CDH12: variants seen among roughly 807,000 people sequenced by gnomAD.
CDH12 encodes the protein cadherin 12, also known as cadherin-12.
In CDH12, 41 loss-of-function variants were observed where a neutral mutation model predicts 74.1. That is an observed-to-expected ratio of 0.55 (90% CI 0.43 to 0.72). The LOEUF is 0.72. Among genes scored for constraint, CDH12 ranks in the 30% least tolerant of loss-of-function variants. CDH12 has a pLI of 0.00. For missense variants in CDH12, 945 were observed against 977.2 expected, an observed-to-expected ratio of 0.97 and a Z score of 0.44; for synonymous variants, 399 against 355.0, an observed-to-expected ratio of 1.12 and a Z score of -1.39.
chr5:22,595,024 T>G (rs1374045367), intron 1 of CDH12, among the ~76,000 whole-genome samples: 6 of 152,172 alleles, frequency 3.9e-5, no homozygotes, highest in African/African-American at 1.2e-4. Flanking sequence ...CACAAACAGC[T>G]TTGTTCTCCC....
At chr5:21,833,010 A>C (rs1320542174) in intron 8 of CDH12, among the ~76,000 whole-genome samples, 1 of 52,500 alleles carries the variant, frequency 1.9e-5, no homozygotes, top group Non-Finnish European at 2.9e-5. Context: ...TATTATATAT[A>C]ATATATGATA....
At chr5:22,690,292 C>A (rs921529524) in intron 1 of CDH12, among the ~76,000 whole-genome samples, 6 of 152,162 alleles carry the variant, frequency 3.9e-5, no homozygotes, top group African/African-American at 1.4e-4. Context: ...AAAGATAAAA[C>A]AGGGTATGGG....
At chr5:22,662,946 G>T (rs2126900527) in intron 1 of CDH12, among the ~76,000 whole-genome samples, 1 of 152,216 alleles carries the variant, frequency 6.6e-6, no homozygotes, top group East Asian at 1.9e-4. Context: ...CATTTTCTCT[G>T]CTCTAAATTT....
chr5:22,246,436 A>G (rs1387096121), intron 3 of CDH12, among the ~76,000 whole-genome samples: 1 of 152,164 alleles, frequency 6.6e-6, no homozygotes, highest in Non-Finnish European at 1.5e-5. Flanking sequence ...TATTTCTAAC[A>G]TGTAGGCTTT....
intron 1 of CDH12, among the ~76,000 whole-genome samples, chr5:22,807,072 C>T (rs1748856358): frequency 1.3e-5 from 2 of 152,032 alleles, no homozygotes; most frequent in South Asian, 2.1e-4. Flanking sequence ...AATGGTATTG[C>T]CTAGATTTTC....
chr5:22,314,080 C>T (rs1270070049), intron 3 of CDH12, among the ~76,000 whole-genome samples: 4 of 152,106 alleles, frequency 2.6e-5, no homozygotes, highest in Non-Finnish European at 4.4e-5. Context: ...TAAGAGATGA[C>T]GGTGGCTTTT....
At chr5:21,850,970 CAAAAGTGTA>C (rs1261812423) in intron 7 of CDH12, among the ~76,000 whole-genome samples, 1 of 150,586 alleles carries the variant, frequency 6.6e-6, no homozygotes, top group African/African-American at 2.4e-5. Context: ...AATGGTTTGA[CAAAAGTGTA>C]AACATACTTA....
At chr5:22,786,270 C>A (rs1317232331) in intron 1 of CDH12, among the ~76,000 whole-genome samples, 1 of 152,108 alleles carries the variant, frequency 6.6e-6, no homozygotes, top group African/African-American at 2.4e-5. Context: ...GTGATGAGAA[C>A]ACATGGGCAC....
At chr5:22,813,755 A>T (rs977789169) in intron 1 of CDH12, among the ~76,000 whole-genome samples, 3 of 152,152 alleles carry the variant, frequency 2.0e-5, no homozygotes, top group Non-Finnish European at 4.4e-5. Flanking sequence ...GCCCTAAACC[A>T]AAGAGCCCAC....
chr5:21,934,948 G>A (rs1382059243), intron 6 of CDH12, among the ~76,000 whole-genome samples: 1 of 152,060 alleles, frequency 6.6e-6, no homozygotes, highest in Non-Finnish European at 1.5e-5. Context: ...CATCACGCCC[G>A]GCTAATTTTT....
At chr5:22,698,719 ATATATATATATATATAGTGT>A (rs1453229989) in intron 1 of CDH12, among the ~76,000 whole-genome samples, 296 of 23,226 alleles carry the variant, frequency 0.013, 23 homozygotes, top group East Asian at 0.02. Flanking sequence ...ATATATATAT[ATATATATATATATATAGTGT>A]GTGTGTGTGT....
At chr5:22,274,899 G>C (rs893008302) in intron 3 of CDH12, among the ~76,000 whole-genome samples, 2 of 151,992 alleles carry the variant, frequency 1.3e-5, no homozygotes, top group Non-Finnish European at 2.9e-5. Context: ...TAAATTTCGG[G>C]TGTCTTTTGA....
At chr5:22,635,883 A>C (rs1738817212) in intron 1 of CDH12, among the ~76,000 whole-genome samples, 1 of 152,130 alleles carries the variant, frequency 6.6e-6, no homozygotes, top group Non-Finnish European at 1.5e-5. Flanking sequence ...CCACTGCTCC[A>C]GCCTGGGCCA....
At position 22,563,315 on chromosome 5, in the gene CDH12, T is replaced by C. The variant is rs529292267; in HGVS notation, c.-522-57951A>G. On this transcript the variant is annotated intron_variant, in intron 1 of 14. Coordinates refer to ENST00000382254, the MANE Select transcript of CDH12 (RefSeq NM_004061.5). ...AATCTCATTGTCTTTTTGATTTGCA[T>C]TTCTCTGATGATCAGTGATGTTGAG... Among the ~76,000 whole-genome samples the C allele has an allele frequency of 2.6e-5, 4 of 152,252 alleles. No homozygotes were observed. In the South Asian group the frequency reaches 8.3e-4, roughly 32 times the overall value.
intron 2 of CDH12, among the ~76,000 whole-genome samples, chr5:22,477,757 C>A (rs944080692): frequency 2.6e-5 from 4 of 152,102 alleles, no homozygotes; most frequent in African/African-American, 9.7e-5. Flanking sequence ...AAGCGGCCAA[C>A]AACAAAAACC....
intron 3 of CDH12, among the ~76,000 whole-genome samples, chr5:22,369,484 T>C (rs756422292): frequency 1.9e-4 from 29 of 152,128 alleles, no homozygotes; most frequent in Non-Finnish European, 2.1e-4. Flanking sequence ...ACAACAAGGT[T>C]CTTAAAAAAA....
At position 22,413,729 on chromosome 5, in the gene CDH12, A is replaced by G. The variant is rs543908983; in HGVS notation, c.-427-8378T>C. Among the ~76,000 whole-genome samples the G allele has an allele frequency of 5.9e-5, 9 of 152,174 alleles. No individual in the cohort carries two copies. In the South Asian group the frequency reaches 1.9e-3, roughly 32 times the overall value. On this transcript the variant is annotated intron_variant, in intron 2 of 14. Transcript: ENST00000382254. ...ATAGCATATAGACACACATACATAT[A>G]GAAAGTTTATTCACATTACTTTATC...
At chr5:21,880,493 TCCTTCCTTCCTC>T (rs775207987) in intron 6 of CDH12, among the ~76,000 whole-genome samples, 5,861 of 61,832 alleles carry the variant, frequency 0.095, 360 homozygotes, top group Middle Eastern at 0.15. Flanking sequence ...CTTCCTTCCT[TCCTTCCTTCCTC>T]CCTCCCTCCC....
chr5:22,032,720 T>C (rs1338438791), intron 5 of CDH12, among the ~76,000 whole-genome samples: 1 of 141,826 alleles, frequency 7.1e-6, no homozygotes, highest in Non-Finnish European at 1.5e-5. Flanking sequence ...AAAAAAAAAA[T>C]GTATATACAT....
Sources: gnomAD v4.1 joint callset for allele counts (sites outside exome capture counted in the v4.1 genomes callset) on GRCh38, gnomAD v4.1.1 for gene constraint, MANE v1.5 for transcripts, NCBI Gene and HGNC (gene_info 2026-07-23, HGNC 2026-07-21) for gene names.